Variants in ENTREP2 observed in about 807,000 individuals in gnomAD.
ENTREP2 encodes the protein protein ENTREP2.
the ENTREP2 span, among the ~76,000 whole-genome samples, chr15:29,401,711 T>C: frequency 6.6e-6 from 1 of 152,202 alleles, no homozygotes; most frequent in Non-Finnish European, 1.5e-5. Flanking sequence ...ACAAGGACGT[T>C]TACTACAAAA....
At chr15:29,667,256 T>C in the ENTREP2 span, among the ~76,000 whole-genome samples, 1 of 151,724 alleles carries the variant, frequency 6.6e-6, no homozygotes, top group Non-Finnish European at 1.5e-5. Context: ...GGCGGGATCT[T>C]GGCTCACTGC....
At chr15:29,493,883 A>C in the ENTREP2 span, among the ~76,000 whole-genome samples, 1 of 152,062 alleles carries the variant, frequency 6.6e-6, no homozygotes, top group African/African-American at 2.4e-5. Flanking sequence ...AGGCTGAGGC[A>C]GGAGAGTTGC....
the ENTREP2 span, among the ~76,000 whole-genome samples, chr15:29,296,612 T>C: frequency 1.3e-5 from 2 of 152,196 alleles, no homozygotes; most frequent in Admixed American, 1.3e-4. Flanking sequence ...AAACATTACA[T>C]ATATTGAATA....
chr15:29,159,566 C>T, the ENTREP2 span, among the ~76,000 whole-genome samples: 4 of 152,124 alleles, frequency 2.6e-5, no homozygotes, highest in Non-Finnish European at 1.5e-5. Flanking sequence ...CTGATTGGTC[C>T]GTTTTGACAG....
chr15:29,670,256 G>C, the ENTREP2 span, among the ~76,000 whole-genome samples: 1 of 152,166 alleles, frequency 6.6e-6, no homozygotes, highest in African/African-American at 2.4e-5. Context: ...GTAAGCAACA[G>C]AGAAAGGTGC....
the ENTREP2 span, among the ~76,000 whole-genome samples, chr15:29,310,799 C>T: frequency 0.087 from 13,235 of 152,148 alleles, 1,886 homozygotes; most frequent in African/African-American, 0.3. Flanking sequence ...GAACCTAATA[C>T]ACACATAAAC....
At chr15:29,306,427 T>C in the ENTREP2 span, among the ~76,000 whole-genome samples, 1 of 152,094 alleles carries the variant, frequency 6.6e-6, no homozygotes, top group African/African-American at 2.4e-5. Flanking sequence ...CCAAGAGAGT[T>C]ACACTCACAG....
chr15:29,295,608 T>C, the ENTREP2 span, among the ~76,000 whole-genome samples: 1 of 152,220 alleles, frequency 6.6e-6, no homozygotes, highest in East Asian at 1.9e-4. Flanking sequence ...ACAATAGCTA[T>C]TGATAAAACA....
the ENTREP2 span, among the ~76,000 whole-genome samples, chr15:29,292,331 A>G: frequency 2.0e-4 from 30 of 150,944 alleles, no homozygotes; most frequent in Non-Finnish European, 3.7e-4. Flanking sequence ...AATTTCATAT[A>G]TGAATCTCCT....
chr15:29,373,372 TG>T, the ENTREP2 span, among the ~76,000 whole-genome samples: 12 of 152,154 alleles, frequency 7.9e-5, no homozygotes, highest in East Asian at 2.1e-3. Flanking sequence ...ATAAGGCAAC[TG>T]AAGGAAAGGG....
chr15:29,536,801 A>G, the ENTREP2 span, among the ~76,000 whole-genome samples: 145,624 of 152,184 alleles, frequency 0.96, 69,703 homozygotes, highest in East Asian at 1. Flanking sequence ...ATGTGGTGAA[A>G]ACACACAGGA....
chr15:29,136,416 C>T, the ENTREP2 span: 5 of 1,539,352 alleles, frequency 3.2e-6, no homozygotes, highest in Non-Finnish European at 4.4e-6. Context: ...GGGGGGAGCT[C>T]AGCAGGATAG....
chr15:29,537,297 C>T, the ENTREP2 span, among the ~76,000 whole-genome samples: 1 of 152,104 alleles, frequency 6.6e-6, no homozygotes, highest in Admixed American at 6.5e-5. Context: ...CAACATCCTT[C>T]CTTCATCCCA....
At chr15:29,157,869 A>AGGC in the ENTREP2 span, among the ~76,000 whole-genome samples, 1 of 151,798 alleles carries the variant, frequency 6.6e-6, no homozygotes, top group Non-Finnish European at 1.5e-5. Context: ...AGCTGGGATT[A>AGGC]CAGGCATACG....
At chr15:29,163,601 A>G in the ENTREP2 span, among the ~76,000 whole-genome samples, 1 of 152,184 alleles carries the variant, frequency 6.6e-6, no homozygotes, top group African/African-American at 2.4e-5. Context: ...AATTAACCCA[A>G]TCCCACAAAG....
the ENTREP2 span, among the ~76,000 whole-genome samples, chr15:29,219,622 TATATATATATATA>T: frequency 6.2e-5 from 1 of 16,066 alleles, no homozygotes; most frequent in South Asian, 3.5e-3. Context: ...TAAATATATA[TATATATATATATA>T]TATATATATA....
the ENTREP2 span, among the ~76,000 whole-genome samples, chr15:29,395,608 C>G: frequency 6.6e-6 from 1 of 150,890 alleles, no homozygotes; most frequent in Non-Finnish European, 1.5e-5. Context: ...GCTCACTGCA[C>G]TTTCAACCTC....
At chr15:29,195,158 C>T in the ENTREP2 span, 1 of 985,382 alleles carries the variant, frequency 1.0e-6, no homozygotes, top group Non-Finnish European at 1.2e-6. Flanking sequence ...GTTCTTGATT[C>T]CTCCAACCCC....
chr15:29,536,373 T>C, the ENTREP2 span, among the ~76,000 whole-genome samples: 1 of 152,170 alleles, frequency 6.6e-6, no homozygotes, highest in African/African-American at 2.4e-5. Flanking sequence ...GGGTACTTGA[T>C]AATGTCACCG....
Sources: gnomAD v4.1 joint callset for allele counts (sites outside exome capture counted in the v4.1 genomes callset) on GRCh38, gnomAD v4.1.1 for gene constraint, MANE v1.5 for transcripts, NCBI Gene and HGNC (gene_info 2026-07-23, HGNC 2026-07-21) for gene names.